UPF3B: variants seen among roughly 807,000 people sequenced by gnomAD.
The protein encoded by UPF3B is UPF3B regulator of nonsense mediated mRNA decay, also known as regulator of nonsense transcripts 3B.
Under a neutral mutation model 40.3 loss-of-function variants are expected in UPF3B, and 7 were observed. The ratio of observed to expected loss-of-function variants is 0.17; its 90% CI spans 0.10 to 0.33. UPF3B has a LOEUF of 0.33. UPF3B is among the 10% of genes least tolerant of loss of function. The pLI, the probability that UPF3B is intolerant of heterozygous loss-of-function variation, is 1.00. For synonymous variants in UPF3B, 117 were observed against 117.3 expected, an observed-to-expected ratio of 1.00 and a Z score of 0.01; for missense variants, 229 against 358.9, an observed-to-expected ratio of 0.64 and a Z score of 2.93.
intron 5 of UPF3B, among the ~76,000 whole-genome samples, chrX:119,842,631 G>C (rs201693788): frequency 0.033 from 2,131 of 65,311 alleles, 26 homozygotes; most frequent in East Asian, 0.088. Flanking sequence ...CACACACACA[G>C]AGAGAGAGCG....
chrX:119,812,517 T>TA (rs1417026353), intron 5 of UPF3B, among the ~76,000 whole-genome samples: 1 of 111,481 alleles, frequency 9.0e-6, no homozygotes, highest in Admixed American at 9.6e-5. Context: ...TCAGGCATCA[T>TA]AATTGACCAT....
At position 119,834,567 on chromosome X, in the gene UPF3B, C is replaced by T. The variant is rs111627527; in HGVS notation, c.*311G>A. ...TTAGAACCAGCTCTTACTTTTCTCT[C>T]GTGTCATATGTGATGAAGTCCTCAC... On this transcript the variant is annotated 3_prime_UTR_variant, in exon 11 of 11. Coordinates refer to ENST00000276201, the MANE Select transcript of UPF3B (RefSeq NM_080632.3). The T allele has an allele frequency of 4.5e-4, 428 of 948,317 alleles. No individual in the cohort carries two copies. The African/African-American group carries it at 7.4e-3, about 16-fold the overall frequency. 78.2% of individuals were successfully genotyped at this position (948,317 alleles called of 1,213,427 possible).
Position 119,834,746 on chromosome X carries a change from C to T in UPF3B, c.*132G>A. On this transcript the variant is annotated 3_prime_UTR_variant, in exon 11 of 11. Transcript: ENST00000276201. The stretch of plus-strand genomic sequence containing the variant: ...TCCTGCTTTGACACAAGACTTACTC[C>T]TCTGCAGTGTACCCCACCAGCACAG... The T allele has an allele frequency of 5.9e-6, 7 of 1,194,702 alleles. No individual in the cohort carries two copies. The highest frequency in any genetic ancestry group is 6.7e-6 in the Non-Finnish European group (6 of 890,211).
chrX:119,829,370 CT>C (rs2147773657), downstream of UPF3B, among the ~76,000 whole-genome samples: 1 of 111,975 alleles, frequency 8.9e-6, no homozygotes, highest in East Asian at 2.8e-4. Flanking sequence ...TGAAGGAGGC[CT>C]CAAAGTAGAA....
chrX:119,822,982 G>T, exon 4 of UPF3B: 2 of 902,615 alleles, frequency 2.2e-6, no homozygotes, highest in Non-Finnish European at 2.8e-6. Context: ...CTTGTCATCA[G>T]GGTGCCAGAG....
chrX:119,805,579 A>T (rs1244415095), intron 6 of UPF3B: 5 of 112,034 alleles, frequency 4.5e-5, no homozygotes, highest in Non-Finnish European at 9.4e-5. Flanking sequence ...AATTTTCGCA[A>T]CCTACTCATC....
At chrX:119,818,713 A>G (rs997253761) in intron 4 of UPF3B, among the ~76,000 whole-genome samples, 29 of 112,494 alleles carry the variant, frequency 2.6e-4, no homozygotes, top group Non-Finnish European at 1.9e-4. Context: ...AGACAAGAAC[A>G]GAGATTTCAA....
At chrX:119,842,609 C>T (rs866194503) in intron 5 of UPF3B, among the ~76,000 whole-genome samples, 1 of 100,872 alleles carries the variant, frequency 9.9e-6, no homozygotes, top group Non-Finnish European at 2.0e-5. Context: ...CACACATACA[C>T]ACACACACAC....
At chrX:119,808,532 A>G (rs910427966) in intron 5 of UPF3B, among the ~76,000 whole-genome samples, 5 of 99,922 alleles carry the variant, frequency 5.0e-5, no homozygotes, top group Non-Finnish European at 1.0e-4. Flanking sequence ...AACACAGACA[A>G]GGACTTATTT....
intron 4 of UPF3B, among the ~76,000 whole-genome samples, chrX:119,820,914 T>C (rs928954769): frequency 2.7e-5 from 3 of 111,990 alleles, no homozygotes; most frequent in Non-Finnish European, 5.6e-5. Context: ...GCAGGATGAA[T>C]GAAAATCAGG....
chrX:119,846,687 G>A (rs1199305359), intron 3 of UPF3B, among the ~76,000 whole-genome samples: 1 of 108,967 alleles, frequency 9.2e-6, no homozygotes, highest in Admixed American at 9.8e-5. Flanking sequence ...AAAATACAGA[G>A]GGTAGATCTC....
chrX:119,838,950 A>AT (rs1224186693), intron 8 of UPF3B, among the ~76,000 whole-genome samples: 3 of 110,656 alleles, frequency 2.7e-5, no homozygotes, highest in African/African-American at 6.6e-5. Context: ...TAATTTTTTA[A>AT]TTTTTTTGTA....
intron 3 of UPF3B, 129 bp downstream of exon 3, chrX:119,851,366 C>T (rs921467421): frequency 9.9e-6 from 5 of 503,409 alleles, no homozygotes; most frequent in African/African-American, 4.7e-5. Flanking sequence ...TGAAAAGTCA[C>T]GTCTATTTAT....
chrX:119,815,790 T>C lies in UPF3B; in HGVS notation c.495-483A>G, dbSNP rs191877123. Among the ~76,000 whole-genome samples the C allele has an allele frequency of 4.0e-3, 449 of 111,937 alleles. 3 individuals carry two copies. Among genetic ancestry groups the C allele is most frequent in the Admixed American group, 6.1e-3 (64 of 10,445 alleles). On this transcript the variant is annotated intron_variant, in intron 4 of 6. Transcript: ENST00000636792. ...CACCTTGGCCTCCCAAATGCTAGGA[T>C]TGCCTGCATAGACGAAGTTTCGCTC...
intron 5 of UPF3B, among the ~76,000 whole-genome samples, chrX:119,842,613 C>T (rs975244545): frequency 9.4e-6 from 1 of 106,304 alleles, no homozygotes; most frequent in Non-Finnish European, 1.9e-5. Flanking sequence ...CATACACACA[C>T]ACACACACAC....
chrX:119,838,142 G>A, intron 9 of UPF3B, 91 bp from the exon 10 acceptor site: 1 of 1,108,936 alleles, frequency 9.0e-7, no homozygotes, highest in Non-Finnish European at 1.2e-6. Context: ...CCCCTGCAAT[G>A]AGGTTGCACT....
At position 119,823,556 on chromosome X, in the gene UPF3B, CTCTTTTTTT is replaced by C. The variant is rs1384696805; in HGVS notation, c.393-522_393-514del. ...CTGGCCCATTTCTTTTCTTTTTTTC[CTCTTTTTTT>C]TTTTTTTTTTTTGTCTGAGACAGAG... On this transcript the variant is annotated intron_variant, in intron 3 of 6. Coordinates refer to the UPF3B transcript ENST00000636792. Among the ~76,000 whole-genome samples the C allele has an allele frequency of 1.5e-3, 62 of 42,086 alleles. No individual in the cohort carries two copies. The East Asian group carries it at 0.068, about 46-fold the overall frequency. The allele number at this position is 42,086 out of a possible 115,157, so 36.5% of individuals were successfully genotyped here.
At chrX:119,845,424 A>G in intron 3 of UPF3B, 128 bp from the exon 4 acceptor site, 1 of 527,354 alleles carries the variant, frequency 1.9e-6, no homozygotes, top group East Asian at 3.7e-5. Context: ...TCCCAAAGGC[A>G]TAAAGCACAC....
chrX:119,850,390 A>T (rs1185223261), intron 3 of UPF3B, among the ~76,000 whole-genome samples: 2 of 112,257 alleles, frequency 1.8e-5, no homozygotes, highest in African/African-American at 6.5e-5. Flanking sequence ...AGGCTAAGTA[A>T]CTAGAATCTA....
Sources: allele counts gnomAD v4.1 joint callset (sites outside exome capture counted in the v4.1 genomes callset), GRCh38; gene constraint gnomAD v4.1.1; transcripts MANE v1.5; gene names NCBI Gene and HGNC (gene_info 2026-07-23, HGNC 2026-07-21).